Variants in SSBP3 observed in about 807,000 individuals in gnomAD.
SSBP3 encodes single stranded DNA binding protein 3, also known as single-stranded DNA-binding protein 3.
In SSBP3, 5 loss-of-function variants were observed where a neutral mutation model predicts 69.6. That is an observed-to-expected ratio of 0.07 (90% CI 0.04 to 0.15). The LOEUF is 0.15. Ranked by LOEUF, SSBP3 falls within the 10% of genes least tolerant of loss-of-function variation. The probability of loss-of-function intolerance (pLI) is 1.00; values close to 1 mark genes in which losing one functional copy is unlikely to be tolerated. For missense variants in SSBP3, 312 were observed against 534.0 expected (o/e 0.58, Z 4.10); for synonymous variants, 196 against 193.4 (o/e 1.01, Z -0.11).
chr1:54,382,431 G>A (rs1036017116), intron 4 of SSBP3, among the ~76,000 whole-genome samples: 11 of 152,144 alleles, frequency 7.2e-5, no homozygotes, highest in African/African-American at 2.7e-4. Context: ...TAGTCTATGA[G>A]GTCTGTGAGG....
At chr1:54,320,712 G>C (rs1646196556) in intron 4 of SSBP3, among the ~76,000 whole-genome samples, 1 of 152,134 alleles carries the variant, frequency 6.6e-6, no homozygotes, top group Non-Finnish European at 1.5e-5. Flanking sequence ...TAGGAACTGG[G>C]GGCAGACACA....
intron 4 of SSBP3, among the ~76,000 whole-genome samples, chr1:54,352,664 G>C (rs1646798966): frequency 6.6e-6 from 1 of 152,220 alleles, no homozygotes; most frequent in African/African-American, 2.4e-5. Context: ...GCAGGAAGAA[G>C]CTGCGTCTTG....
intron 10 of SSBP3, 136 bp downstream of exon 10, chr1:54,243,099 C>T: frequency 3.7e-6 from 3 of 809,218 alleles, no homozygotes; most frequent in Non-Finnish European, 6.3e-6. Flanking sequence ...CATCAATATC[C>T]TCACATTACC....
intron 5 of SSBP3, among the ~76,000 whole-genome samples, chr1:54,271,436 T>C (rs1270692384): frequency 6.6e-6 from 1 of 152,150 alleles, no homozygotes; most frequent in African/African-American, 2.4e-5. Flanking sequence ...GTATAGTCAA[T>C]CCTCACCACA....
chr1:54,265,332 G>GTGTGTA (rs1645083261), intron 5 of SSBP3, among the ~76,000 whole-genome samples: 2 of 152,192 alleles, frequency 1.3e-5, no homozygotes, highest in Admixed American at 1.3e-4. Context: ...GTTATGTAGG[G>GTGTGTA]TGTGTATGTG....
exon 18 of SSBP3, chr1:54,227,114 T>A (rs371733997): frequency 5.2e-6 from 8 of 1,532,314 alleles, no homozygotes; most frequent in Non-Finnish European, 7.1e-6. Context: ...TCTCTCAGCG[T>A]CTCGGAGAAG....
At chr1:54,284,873 A>G (rs910878023) in intron 4 of SSBP3, among the ~76,000 whole-genome samples, 2 of 152,200 alleles carry the variant, frequency 1.3e-5, no homozygotes, top group African/African-American at 4.8e-5. Context: ...GAGTGAGTCA[A>G]TGGTTCTAGG....
At chr1:54,357,034 C>A (rs1243014665) in intron 4 of SSBP3, among the ~76,000 whole-genome samples, 1 of 147,536 alleles carries the variant, frequency 6.8e-6, no homozygotes, top group East Asian at 2.1e-4. Flanking sequence ...ACAGGGCTCA[C>A]AGGGGTAACA....
intron 4 of SSBP3, among the ~76,000 whole-genome samples, chr1:54,367,294 T>C (rs527936728): frequency 3.3e-5 from 5 of 152,288 alleles, no homozygotes; most frequent in African/African-American, 1.2e-4. Flanking sequence ...AGCCATCGTT[T>C]TGGAGTCAGG....
At chr1:54,317,603 T>A (rs2100344742) in intron 4 of SSBP3, among the ~76,000 whole-genome samples, 2 of 152,218 alleles carry the variant, frequency 1.3e-5, no homozygotes, top group Admixed American at 1.3e-4. Context: ...AAAAAATGTG[T>A]AGACCTGGGC....
intron 4 of SSBP3, among the ~76,000 whole-genome samples, chr1:54,317,530 C>T (rs1288250186): frequency 6.7e-6 from 1 of 148,398 alleles, no homozygotes; most frequent in Non-Finnish European, 1.5e-5. Flanking sequence ...GAGCGAGACT[C>T]TCAAAAAAAA....
At chr1:54,244,144 C>T (rs1200538253) in intron 9 of SSBP3, among the ~76,000 whole-genome samples, 3 of 151,884 alleles carry the variant, frequency 2.0e-5, no homozygotes, top group Non-Finnish European at 4.4e-5. Flanking sequence ...ACTCTTGTTG[C>T]CCAGGCAGGA....
intron 4 of SSBP3, among the ~76,000 whole-genome samples, chr1:54,366,915 G>A (rs1647037120): frequency 6.6e-6 from 1 of 152,156 alleles, no homozygotes; most frequent in South Asian, 2.1e-4. Context: ...TCCAGTCTCA[G>A]TACTTCCCCC....
chr1:54,344,596 C>CG (rs1449540840), intron 4 of SSBP3, among the ~76,000 whole-genome samples: 13 of 152,146 alleles, frequency 8.5e-5, no homozygotes. Flanking sequence ...TTAACACACT[C>CG]GGTGTCGTCA....
At chr1:54,404,966 A>G in intron 1 of SSBP3, 36 bp from the exon 2 acceptor site, 1 of 1,579,990 alleles carries the variant, frequency 6.3e-7, no homozygotes, top group Non-Finnish European at 8.7e-7. Context: ...GAGAGAGGGA[A>G]AGGCGTCAGA....
At chr1:54,305,726 A>T (rs1330417295) in intron 4 of SSBP3, among the ~76,000 whole-genome samples, 1 of 151,588 alleles carries the variant, frequency 6.6e-6, no homozygotes, top group South Asian at 2.1e-4. Context: ...CCAAAGTGCT[A>T]GGATTACAGG....
intron 9 of SSBP3, among the ~76,000 whole-genome samples, chr1:54,251,005 G>A (rs568493373): frequency 8.5e-5 from 13 of 152,314 alleles, no homozygotes; most frequent in Non-Finnish European, 1.3e-4. Context: ...TTGTGGCAGC[G>A]GAGCCCTCTG....
chr1:54,332,527 A>G (rs2100461265), intron 4 of SSBP3, among the ~76,000 whole-genome samples: 1 of 152,214 alleles, frequency 6.6e-6, no homozygotes, highest in East Asian at 1.9e-4. Context: ...CATCTTTCCA[A>G]ACCCCCCTGG....
intron 12 of SSBP3, 128 bp from the exon 13 acceptor site, chr1:54,241,087 AC>A: frequency 1.0e-6 from 1 of 1,001,616 alleles, no homozygotes; most frequent in Non-Finnish European, 1.5e-6. Flanking sequence ...ATCTTGCTAC[AC>A]CCCCAGCGCT....
Sources: allele counts gnomAD v4.1 joint callset (sites outside exome capture counted in the v4.1 genomes callset), GRCh38; gene constraint gnomAD v4.1.1; transcripts MANE v1.5; gene names NCBI Gene and HGNC (gene_info 2026-07-23, HGNC 2026-07-21).